Variants in VSTM2L observed in about 807,000 individuals in gnomAD.
VSTM2L encodes V-set and transmembrane domain-containing protein 2-like protein.
Under a neutral mutation model 19.9 loss-of-function variants are expected in VSTM2L, and 9 were observed. The observed-to-expected ratio is 0.45, with a 90% CI of 0.27 to 0.79. The LOEUF is 0.79. Among genes scored for constraint, VSTM2L ranks in the 30% least tolerant of loss-of-function variants. The pLI is 0.15. For synonymous variants in VSTM2L, 127 were observed against 133.8 expected (o/e 0.95, Z 0.35); for missense variants, 286 against 295.5 (o/e 0.97, Z 0.24).
chr20:37,931,528 CAT>C, intron 1 of VSTM2L, 105 bp from the exon 2 acceptor site: 5 of 1,259,854 alleles, frequency 4.0e-6, no homozygotes, highest in Non-Finnish European at 4.4e-6. Context: ...CCCCTCCACC[CAT>C]CCCCCGCCGT....
rs556937689 is a variant in VSTM2L at position 37,939,175 on chromosome 20, CA to C, written c.343-4805del. 8.5e-5 allele frequency among the ~76,000 whole-genome samples: 13 copies of C among 152,260 alleles called. No homozygotes were observed. In the East Asian group the frequency reaches 2.5e-3, roughly 29 times the overall value. On this transcript the variant is annotated intron_variant, in intron 3 of 3. Coordinates refer to ENST00000373461, the MANE Select transcript of VSTM2L (RefSeq NM_080607.3). ...ATCCCAGCACTTTGGGAGGCCGAGG[CA>C]GGAGGATTGCTTGAGCCCAGGAGTT...
intron 1 of VSTM2L, 57 bp from the exon 2 acceptor site, chr20:37,931,577 AC>A (rs1568840923): frequency 1.6e-5 from 25 of 1,536,720 alleles, no homozygotes; most frequent in Non-Finnish European, 1.9e-5. Context: ...CACCTCCTTC[AC>A]CCACTAGCCC....
intron 3 of VSTM2L, among the ~76,000 whole-genome samples, chr20:37,935,159 A>G (rs1246292622): frequency 1.3e-5 from 2 of 152,190 alleles, no homozygotes; most frequent in Non-Finnish European, 2.9e-5. Context: ...CACATGAGGG[A>G]AATGCGACAA....
At chr20:37,918,806 C>G (rs2072834328) in intron 1 of VSTM2L, among the ~76,000 whole-genome samples, 1 of 152,140 alleles carries the variant, frequency 6.6e-6, no homozygotes, top group African/African-American at 2.4e-5. Flanking sequence ...GTCCCCTTCT[C>G]CTGGTAACCT....
intron 1 of VSTM2L, 43 bp downstream of exon 1, chr20:37,903,514 C>A: frequency 7.0e-7 from 1 of 1,426,132 alleles, no homozygotes; most frequent in Non-Finnish European, 9.2e-7. Context: ...CACCAAACCC[C>A]AACCCGGGCC....
At chr20:37,905,187 C>G (rs768407494) in intron 1 of VSTM2L, among the ~76,000 whole-genome samples, 57 of 152,254 alleles carry the variant, frequency 3.7e-4, no homozygotes, top group Non-Finnish European at 3.7e-4. Flanking sequence ...CACCCCTCCT[C>G]TCCTCGCTCC....
At chr20:37,934,754 G>A (rs534908377) in intron 3 of VSTM2L, among the ~76,000 whole-genome samples, 2 of 152,216 alleles carry the variant, frequency 1.3e-5, no homozygotes, top group East Asian at 3.9e-4. Context: ...CATCAGAGGT[G>A]GCATCATGGA....
At chr20:37,908,154 G>C (rs1471785723) in intron 1 of VSTM2L, among the ~76,000 whole-genome samples, 1 of 152,212 alleles carries the variant, frequency 6.6e-6, no homozygotes. Context: ...AATTGGTTTT[G>C]ACACCTTGCC....
chr20:37,914,870 G>T lies in VSTM2L; in HGVS notation c.121+11399G>T, dbSNP rs978744330. Among the ~76,000 whole-genome samples, 9 of 152,202 alleles carry T rather than the reference G, an allele frequency of 5.9e-5. No homozygotes were observed. In the East Asian group the frequency reaches 1.3e-3, roughly 23 times the overall value. On this transcript the variant is annotated intron_variant, in intron 1 of 3. Transcript: ENST00000373461. ...CATTTTAAGGGTGTCTCTTGGGATG[G>T]GGGTGGGGTCTTGACTGACCCCTCC...
At chr20:37,943,914 C>CT (rs1047360400) in intron 3 of VSTM2L, 67 bp from the exon 4 acceptor site, 2 of 733,930 alleles carry the variant, frequency 2.7e-6, no homozygotes, top group South Asian at 5.6e-5. Flanking sequence ...TGGGACCCCC[C>CT]CCCCCGACTC....
At chr20:37,918,951 C>G (rs1344280720) in intron 1 of VSTM2L, among the ~76,000 whole-genome samples, 1 of 152,246 alleles carries the variant, frequency 6.6e-6, no homozygotes, top group Non-Finnish European at 1.5e-5. Flanking sequence ...GCCATATGAA[C>G]AGTGCACATT....
intron 1 of VSTM2L, among the ~76,000 whole-genome samples, chr20:37,924,421 C>T (rs553196196): frequency 5.1e-5 from 7 of 136,736 alleles, no homozygotes; most frequent in Admixed American, 1.4e-4. Context: ...GGCGTGGTGA[C>T]GTGTGCCTGT....
At chr20:37,917,319 A>G (rs1243792398) in intron 1 of VSTM2L, among the ~76,000 whole-genome samples, 1 of 151,620 alleles carries the variant, frequency 6.6e-6, no homozygotes, top group Non-Finnish European at 1.5e-5. Flanking sequence ...TGTCTCAAAA[A>G]AGAAAGAAAA....
intron 3 of VSTM2L, among the ~76,000 whole-genome samples, chr20:37,935,525 A>G (rs993571272): frequency 6.8e-6 from 1 of 147,254 alleles, no homozygotes. Flanking sequence ...ATTCCTTCCC[A>G]CCTCCAGGCC....
chr20:37,928,801 C>T (rs565096233), intron 1 of VSTM2L, among the ~76,000 whole-genome samples: 138 of 152,302 alleles, frequency 9.1e-4, no homozygotes, highest in Non-Finnish European at 1.7e-3. Flanking sequence ...CCAGGTACTG[C>T]TGCAGGAGCT....
intron 1 of VSTM2L, among the ~76,000 whole-genome samples, chr20:37,907,756 C>T (rs139128687): frequency 5.1e-4 from 77 of 152,226 alleles, no homozygotes; most frequent in African/African-American, 1.7e-3. Flanking sequence ...CTGGCTTGGC[C>T]GGGGGCTTTG....
chr20:37,920,288 C>T lies in VSTM2L; in HGVS notation c.122-11347C>T, dbSNP rs556409441. ...TGCCTGGAATAAAGGGACAATGATC[C>T]CTGCCCAGCAGGATCACTGTGAGCA... On this transcript the variant is annotated intron_variant, in intron 1 of 3. Transcript: ENST00000373461. Among the ~76,000 whole-genome samples, 7 of 152,322 alleles carry T rather than the reference C, an allele frequency of 4.6e-5. No homozygotes were observed. In the South Asian group the frequency reaches 1.5e-3, roughly 32 times the overall value.
intron 1 of VSTM2L, 110 bp from the exon 2 acceptor site, chr20:37,931,525 A>ACCCCCC: frequency 1.2e-6 from 1 of 830,270 alleles, no homozygotes; most frequent in Non-Finnish European, 1.8e-6. Flanking sequence ...CACCCCCTCC[A>ACCCCCC]CCCATCCCCC....
intron 3 of VSTM2L, among the ~76,000 whole-genome samples, chr20:37,939,543 A>AT (rs2072959786): frequency 6.6e-6 from 1 of 152,212 alleles, no homozygotes; most frequent in African/African-American, 2.4e-5. Flanking sequence ...TGCTGTTATT[A>AT]TTTTTATTAA....
Sources: gnomAD v4.1 joint callset for allele counts (sites outside exome capture counted in the v4.1 genomes callset) on GRCh38, gnomAD v4.1.1 for gene constraint, MANE v1.5 for transcripts, NCBI Gene and HGNC (gene_info 2026-07-23, HGNC 2026-07-21) for gene names.